ABCA12: variants seen among roughly 807,000 people sequenced by gnomAD.
ABCA12 encodes the protein glucosylceramide transporter ABCA12.
A neutral mutation model predicts 293.5 loss-of-function variants in ABCA12; 156 were observed. The ratio of observed to expected loss-of-function variants is 0.53; its 90% CI spans 0.47 to 0.61. ABCA12 has a LOEUF of 0.61. ABCA12 is among the 20% of genes least tolerant of loss of function. The probability of loss-of-function intolerance (pLI) is 0.00; values close to 1 mark genes in which losing one functional copy is unlikely to be tolerated. For missense variants in ABCA12, 2,797 were observed against 3,090.2 expected (o/e 0.91, Z 2.25); for synonymous variants, 1,063 against 1,108.0 (o/e 0.96, Z 0.81).
intron 44 of ABCA12, among the ~76,000 whole-genome samples, chr2:214,951,615 G>T (rs1388217355): frequency 6.6e-6 from 1 of 152,160 alleles, no homozygotes; most frequent in Admixed American, 6.5e-5. Flanking sequence ...AAATTATCCA[G>T]GCATGGTGGT....
intron 45 of ABCA12, among the ~76,000 whole-genome samples, chr2:214,949,357 AATATATAT>A (rs371533143): frequency 6.2e-5 from 9 of 145,370 alleles, no homozygotes; most frequent in African/African-American, 2.0e-4. Flanking sequence ...TAACCATCTG[AATATATAT>A]ATATATATAT....
At chr2:214,933,299 A>G (rs566509490) in intron 52 of ABCA12, among the ~76,000 whole-genome samples, 37 of 152,332 alleles carry the variant, frequency 2.4e-4, no homozygotes, top group Admixed American at 3.3e-4. Flanking sequence ...AAAACTATCG[A>G]GAGTCTGTAT....
At chr2:215,065,297 T>TAAAAAAAAAAAAAAAAAAAAAA (rs66466863) in intron 2 of ABCA12, among the ~76,000 whole-genome samples, 2 of 45,138 alleles carry the variant, frequency 4.4e-5, no homozygotes, top group African/African-American at 1.8e-4. Flanking sequence ...CATGAATGTG[T>TAAAAAAAAAAAAAAAAAAAAAA]AAAAAAAAAA....
chr2:215,125,381 CT>C (rs1702900843), intron 1 of ABCA12, among the ~76,000 whole-genome samples: 1 of 152,082 alleles, frequency 6.6e-6, no homozygotes, highest in South Asian at 2.1e-4. Flanking sequence ...TTGTAGATTG[CT>C]TTTGGCAGTA....
chr2:214,937,843 CA>C (rs2105911547), intron 50 of ABCA12, among the ~76,000 whole-genome samples: 1 of 151,976 alleles, frequency 6.6e-6, no homozygotes, highest in South Asian at 2.1e-4. Context: ...AGTCTTTGGG[CA>C]AAAATTGAGT....
At chr2:214,947,621 G>GAAA in intron 47 of ABCA12, 65 bp from the exon 48 acceptor site, 1 of 1,382,710 alleles carries the variant, frequency 7.2e-7, no homozygotes, top group Non-Finnish European at 9.7e-7. Flanking sequence ...GCACTAAATG[G>GAAA]AAAAAAAAAA....
intron 19 of ABCA12, among the ~76,000 whole-genome samples, chr2:215,007,423 C>A (rs1162738075): frequency 6.6e-6 from 1 of 152,132 alleles, no homozygotes; most frequent in Non-Finnish European, 1.5e-5. Context: ...CAATAACAAG[C>A]ATTTTTGTAG....
intron 22 of ABCA12, 21 bp from the exon 23 acceptor site, chr2:214,997,830 G>T (rs1000283456): frequency 6.6e-7 from 1 of 1,506,572 alleles, no homozygotes; most frequent in Admixed American, 1.7e-5. Flanking sequence ...AACAAAAAAA[G>T]AAAAATTCAG....
At chr2:215,032,274 G>T in intron 8 of ABCA12, 2 of 261,440 alleles carry the variant, frequency 7.6e-6, no homozygotes, top group South Asian at 7.3e-5. Context: ...TTAGTCTTAT[G>T]GGTCACTGGA....
At chr2:215,080,679 G>A (rs1332110420) in intron 2 of ABCA12, 107 of 152,884 alleles carry the variant, frequency 7.0e-4, no homozygotes. Flanking sequence ...TTATAGGCTA[G>A]AAAAGGAAGA....
intron 1 of ABCA12, among the ~76,000 whole-genome samples, chr2:215,129,621 T>C (rs993235423): frequency 2.0e-5 from 3 of 152,246 alleles, no homozygotes; most frequent in Admixed American, 1.3e-4. Flanking sequence ...TTATAGATTC[T>C]AGATATTAAT....
chr2:215,134,255 T>C (rs922518064), intron 1 of ABCA12, among the ~76,000 whole-genome samples: 2 of 123,588 alleles, frequency 1.6e-5, no homozygotes, highest in African/African-American at 3.3e-5. Flanking sequence ...TATATATGTA[T>C]ATATGTACAT....
intron 36 of ABCA12, among the ~76,000 whole-genome samples, chr2:214,973,643 T>C (rs1699438166): frequency 2.0e-5 from 3 of 152,172 alleles, no homozygotes; most frequent in Admixed American, 2.0e-4. Flanking sequence ...GGTCTCATTT[T>C]TTCCTGTGAA....
intron 42 of ABCA12, 46 bp downstream of exon 42, chr2:214,956,617 A>T (rs1268481045): frequency 7.2e-7 from 1 of 1,388,906 alleles, no homozygotes; most frequent in African/African-American, 1.4e-5. Flanking sequence ...GTCTAGGGGC[A>T]TTTAATTCTA....
intron 22 of ABCA12, 69 bp from the exon 23 acceptor site, chr2:214,997,878 A>G (rs1700069164): frequency 1.1e-6 from 1 of 935,868 alleles, no homozygotes; most frequent in South Asian, 1.4e-5. Context: ...AGATTATAAT[A>G]TATAAAGAAC....
intron 39 of ABCA12, among the ~76,000 whole-genome samples, chr2:214,961,171 ACTT>A (rs1310054596): frequency 6.6e-6 from 1 of 152,074 alleles, no homozygotes; most frequent in Non-Finnish European, 1.5e-5. Context: ...GTGATGTAGC[ACTT>A]CTTCTTTGAA....
At position 214,953,731 on chromosome 2, in the gene ABCA12, A is replaced by G. The variant is rs923969736; in HGVS notation, c.6647+123T>C. 3.8e-6 allele frequency: 5 copies of G among 1,300,244 alleles called. No individual in the cohort carries two copies. The East Asian group carries it at 7.6e-5, about 20-fold the overall frequency. 80.5% of individuals were successfully genotyped at this position (1,300,244 alleles called of 1,614,324 possible). ...TAGTGAATTATGCTAGAATTTTTTA[A>G]AAGTTTTTGAGCCAAACATTTCCAT... On this transcript the variant is annotated intron_variant, in intron 44 of 52. Transcript: ENST00000272895.
chr2:215,071,703 T>C (rs1701741558), intron 2 of ABCA12, among the ~76,000 whole-genome samples: 1 of 152,234 alleles, frequency 6.6e-6, no homozygotes, highest in Admixed American at 6.5e-5. Flanking sequence ...TGTAAGGTAC[T>C]ATAAGCATTG....
intron 49 of ABCA12, among the ~76,000 whole-genome samples, chr2:214,943,362 C>G (rs1026671247): frequency 5.9e-5 from 9 of 151,870 alleles, no homozygotes; most frequent in Non-Finnish European, 8.8e-5. Flanking sequence ...CCAGACCGTT[C>G]TTGAACTCCT....
Sources: gnomAD v4.1 joint callset for allele counts (sites outside exome capture counted in the v4.1 genomes callset) on GRCh38, gnomAD v4.1.1 for gene constraint, MANE v1.5 for transcripts, NCBI Gene and HGNC (gene_info 2026-07-23, HGNC 2026-07-21) for gene names.